Variants in CACNA1E observed in about 807,000 individuals in gnomAD.
CACNA1E encodes calcium voltage-gated channel subunit alpha1 E.
Under a neutral mutation model 259.2 loss-of-function variants are expected in CACNA1E, and 40 were observed. The observed-to-expected ratio is 0.15, with a 90% CI of 0.12 to 0.20. The LOEUF is 0.20. Among genes scored for constraint, CACNA1E ranks in the 10% least tolerant of loss-of-function variants. The pLI, the probability that CACNA1E is intolerant of heterozygous loss-of-function variation, is 1.00. For synonymous variants in CACNA1E, 1,104 were observed against 1,138.5 expected (o/e 0.97, Z 0.61); for missense variants, 1,874 against 3,040.1 (o/e 0.62, Z 9.02).
intron 2 of CACNA1E, among the ~76,000 whole-genome samples, chr1:181,442,044 G>A (rs1008924489): frequency 2.6e-5 from 4 of 152,144 alleles, no homozygotes; most frequent in African/African-American, 7.2e-5. Context: ...TAGCCCACAC[G>A]GACCTTGGAC....
At chr1:181,562,438 T>C (rs893027036) in intron 3 of CACNA1E, among the ~76,000 whole-genome samples, 1 of 152,220 alleles carries the variant, frequency 6.6e-6, no homozygotes, top group African/African-American at 2.4e-5. Context: ...TTGTGAGTCA[T>C]CATCCCTTGC....
chr1:181,482,817 C>T (rs556736887), upstream of CACNA1E, among the ~76,000 whole-genome samples: 4 of 152,352 alleles, frequency 2.6e-5, 1 homozygote, highest in South Asian at 6.2e-4. Context: ...CGGTGCTCGC[C>T]GCCCGCCCGC....
intron 1 of CACNA1E, among the ~76,000 whole-genome samples, chr1:181,401,861 T>A (rs574392116): frequency 6.6e-6 from 1 of 152,348 alleles, no homozygotes; most frequent in African/African-American, 2.4e-5. Context: ...TTGGAATTAC[T>A]GCCTGGCTGT....
At chr1:181,442,814 T>C (rs974208551) in intron 2 of CACNA1E, among the ~76,000 whole-genome samples, 6 of 152,266 alleles carry the variant, frequency 3.9e-5, no homozygotes, top group Non-Finnish European at 5.9e-5. Flanking sequence ...ATGGGCTCCA[T>C]AGGTGATGTT....
rs562634131 is a variant in CACNA1E, at chr1:181,551,392, G to T, written c.513-26374G>T. On this transcript the variant is annotated intron_variant, in intron 3 of 47. Coordinates refer to ENST00000367573, the MANE Select transcript of CACNA1E (RefSeq NM_001205293.3). ...GGGGTGGTGATGCAGCGTTTGGCCT[G>T]TGCAGCTGAGGTCCTCAATGCAGGC... Among the ~76,000 whole-genome samples, 11 of 152,300 alleles carry T rather than the reference G, an allele frequency of 7.2e-5. 1 individual carries two copies. The South Asian group carries it at 2.1e-3, about 29-fold the overall frequency.
intron 4 of CACNA1E, among the ~76,000 whole-genome samples, chr1:181,578,369 A>G (rs182784682): frequency 1.1e-3 from 175 of 152,310 alleles, no homozygotes; most frequent in African/African-American, 4.0e-3. Context: ...AGTCTGGGCA[A>G]CATGGTGAAA....
At chr1:181,623,152 C>T (rs767122614) in intron 6 of CACNA1E, among the ~76,000 whole-genome samples, 6 of 152,128 alleles carry the variant, frequency 3.9e-5, no homozygotes, top group Non-Finnish European at 7.3e-5. Flanking sequence ...TTATGCAACC[C>T]CTCAGTTAAA....
chr1:181,630,387 C>CG (rs1165595838), intron 6 of CACNA1E, among the ~76,000 whole-genome samples: 2 of 149,324 alleles, frequency 1.3e-5, no homozygotes, highest in East Asian at 3.9e-4. Flanking sequence ...TTAACATGCC[C>CG]CCCCACCCCG....
intron 2 of CACNA1E, among the ~76,000 whole-genome samples, chr1:181,447,909 C>T (rs984100532): frequency 6.6e-6 from 1 of 152,208 alleles, no homozygotes; most frequent in African/African-American, 2.4e-5. Flanking sequence ...ATCTTCAAAG[C>T]CAGTAATAGC....
At position 181,732,499 on chromosome 1, in the gene CACNA1E, A is replaced by G. The variant is rs1188718091; in HGVS notation, c.2413A>G (p.Met805Val). Residue 805 changes from methionine to valine, a missense_variant, in exon 20 of 48, where the codon ATG (methionine) becomes GTG (valine). By Grantham distance (21) the Met-to-Val change is conservative. This residue lies in a region of CACNA1E where 476 missense variants were observed against 514.0 expected (regional missense o/e 0.93). Transcript: ENST00000367573. This position sits in a 1 kb window ranked among gnomAD's most constrained non-coding sequence, Gnocchi z 5.5. ...CCTCAACAGAGAGGAGGCGCCGACC[A>G]TGAACCCGCTCAACCCCCTCAACCC... The part of the protein sequence containing the change: ...EALNREEAPT[M>V]NPLNPLNPLS... 1.9e-6 allele frequency: 3 copies of G among 1,551,476 alleles called. No homozygotes were observed. Among genetic ancestry groups the G allele is most frequent in the Admixed American group, 3.9e-5 (2 of 50,984 alleles).
chr1:181,722,723 G>A (rs1226757781), intron 16 of CACNA1E, among the ~76,000 whole-genome samples: 4 of 152,184 alleles, frequency 2.6e-5, no homozygotes, highest in African/African-American at 9.7e-5. Context: ...TGGGTTGGCC[G>A]TGAATTGGGA....
At chr1:181,558,551 C>G (rs889101937) in intron 3 of CACNA1E, among the ~76,000 whole-genome samples, 1 of 152,140 alleles carries the variant, frequency 6.6e-6, no homozygotes, top group African/African-American at 2.4e-5. Flanking sequence ...TTAAACCTAG[C>G]CAGGGTGAGG....
chr1:181,732,867 G>A lies in CACNA1E; in HGVS notation c.2781G>A (p.Arg927=), dbSNP rs552089340. The stretch of plus-strand genomic sequence containing the variant: ...GGCGCAGCCGGCATCGCCGCGTCAG[G>A]ACAGAAGGCAAGGAGTCCTCTTCAG... ...SQRRSRHRRV[R]TEGKESSSAS... The change falls in exon 20 of 48, where the codon AGG becomes AGA. Residue 927 remains arginine, a synonymous_variant. Transcript: ENST00000367573. This position sits in a 1 kb window ranked among gnomAD's most constrained non-coding sequence, Gnocchi z 5.5. The A allele has an allele frequency of 1.2e-6, 2 of 1,614,032 alleles. No individual in the cohort carries two copies. The highest frequency in any genetic ancestry group is 1.7e-5 in the Admixed American group (1 of 60,034).
intron 1 of CACNA1E, among the ~76,000 whole-genome samples, chr1:181,384,668 G>A (rs1655708265): frequency 6.6e-6 from 1 of 152,012 alleles, no homozygotes; most frequent in Non-Finnish European, 1.5e-5. Context: ...CACCCTTTGT[G>A]CTTCTCCTCC....
chr1:181,483,855 C>T lies in CACNA1E; in HGVS notation c.111C>T (p.Ala37=). ...CCGTGCCGGCCTCGGGGCAGGCGGC[C>T]GCCTACAAGCAGACGAAAGCACAGA... ...GTPVPASGQA[A]AYKQTKAQRA... The change falls in exon 1 of 48, where the codon GCC becomes GCT. Residue 37 remains alanine, a synonymous_variant. Coordinates refer to ENST00000367573, the MANE Select transcript of CACNA1E (RefSeq NM_001205293.3). The T allele has an allele frequency of 2.5e-6, 4 of 1,613,694 alleles. No individual in the cohort carries two copies. The highest frequency in any genetic ancestry group is 3.4e-6 in the Non-Finnish European group (4 of 1,179,832).
intron 7 of CACNA1E, among the ~76,000 whole-genome samples, chr1:181,656,742 T>C (rs1659238777): frequency 6.6e-6 from 1 of 152,224 alleles, no homozygotes; most frequent in African/African-American, 2.4e-5. Context: ...TCATGGTAAG[T>C]GCTCTACGGT....
chr1:181,466,197 C>T (rs925102661), intron 2 of CACNA1E, among the ~76,000 whole-genome samples: 1 of 152,202 alleles, frequency 6.6e-6, no homozygotes, highest in South Asian at 2.1e-4. Context: ...GTTCCAACTT[C>T]TGTCCACATA....
intron 41 of CACNA1E, among the ~76,000 whole-genome samples, chr1:181,785,021 T>C (rs540386496): frequency 1.3e-5 from 2 of 152,276 alleles, no homozygotes; most frequent in South Asian, 4.1e-4. Flanking sequence ...GAAAGGATGT[T>C]GTCACTTAGC....
At chr1:181,609,931 G>T (rs1654588499) in intron 6 of CACNA1E, among the ~76,000 whole-genome samples, 1 of 152,132 alleles carries the variant, frequency 6.6e-6, no homozygotes, top group African/African-American at 2.4e-5. Flanking sequence ...CAGCATATTG[G>T]CTGGAGTTAG....
Sources: gnomAD v4.1 joint callset for allele counts (sites outside exome capture counted in the v4.1 genomes callset) on GRCh38, gnomAD v4.1.1 for gene constraint, gnomAD v4.1.1 regional missense constraint, Gnocchi (gnomAD v3.1) non-coding constraint, MANE v1.5 for transcripts, NCBI Gene and HGNC (gene_info 2026-07-23, HGNC 2026-07-21) for gene names.